NBL1: variants seen among roughly 807,000 people sequenced by gnomAD.
The protein encoded by NBL1 is neuroblastoma suppressor of tumorigenicity 1.
NBL1 carries 9 observed loss-of-function variants against 16.0 expected under a neutral mutation model. The ratio of observed to expected loss-of-function variants is 0.56; its 90% CI spans 0.34 to 0.98. The LOEUF is 0.98. NBL1 is among the 50% of genes least tolerant of loss of function. NBL1 has a pLI of 0.02. For missense variants in NBL1, 196 were observed against 243.1 expected (o/e 0.81, Z 1.29); for synonymous variants, 86 against 100.7 (o/e 0.85, Z 0.87).
At chr1:19,643,689 C>T, upstream of NBL1, 1 of 1,189,240 alleles carries the variant, frequency 8.4e-7, no homozygotes, top group Non-Finnish European at 1.1e-6. This position sits in a 1 kb window ranked among gnomAD's most constrained non-coding sequence, Gnocchi z 4.7. Context: ...GATGCTTAAG[C>T]CAAGGGCGTG....
intron 1 of NBL1, among the ~76,000 whole-genome samples, chr1:19,651,391 G>A (rs562783224): frequency 6.6e-6 from 1 of 152,306 alleles, no homozygotes; most frequent in African/African-American, 2.4e-5. Flanking sequence ...TGGAAAGGGT[G>A]GAAGGTAAGG....
At position 19,655,306 on chromosome 1, in the gene NBL1, T is replaced by C; in HGVS notation, c.171-18T>C. On this transcript the variant is annotated intron_variant, in intron 2 of 3. Transcript: ENST00000375136. The stretch of plus-strand genomic sequence containing the variant: ...CTCCCCAACAGTGACACAGGCATGG[T>C]GACCTCTCCTCCCACAGGGCGTGCC... 1 of 1,613,700 alleles carries C rather than the reference T, an allele frequency of 6.2e-7. No individual in the cohort carries two copies. The highest frequency in any genetic ancestry group is 1.7e-5 in the Admixed American group (1 of 60,020).
chr1:19,648,812 A>G (rs925395049), intron 1 of NBL1, among the ~76,000 whole-genome samples: 4 of 152,160 alleles, frequency 2.6e-5, no homozygotes, highest in Non-Finnish European at 5.9e-5. Context: ...ACCTGTGCCA[A>G]GGACACCTCC....
In NBL1 at chr1:19,644,743, G is replaced by A. The variant is rs1400621747; in HGVS notation, c.-20+297G>A. Among the ~76,000 whole-genome samples, 1 of 151,750 alleles carries A rather than the reference G, an allele frequency of 6.6e-6. No homozygotes were observed. The highest frequency in any genetic ancestry group is 6.6e-5 in the Admixed American group (1 of 15,256). ...TCTGGATCGGAGTTTCCGCGGCCGG[G>A]GGAGAGAGGGAGCGAGGGAGGGAGA... is the stretch of plus-strand genomic sequence containing the variant. On this transcript the variant is annotated intron_variant, in intron 1 of 3. Transcript: ENST00000375136. The surrounding 1 kb of genome is among the most constrained non-coding windows in gnomAD (Gnocchi z 4.6).
chr1:19,650,919 C>CAGGTGTGT (rs2095020803), intron 1 of NBL1, among the ~76,000 whole-genome samples: 2 of 152,154 alleles, frequency 1.3e-5, no homozygotes, highest in African/African-American at 4.8e-5. Context: ...TGGATGACAG[C>CAGGTGTGT]CGTGTGTGGG....
upstream of NBL1, chr1:19,643,244 G>A (rs774086228): frequency 4.7e-6 from 7 of 1,474,200 alleles, no homozygotes; most frequent in Admixed American, 1.7e-5. The surrounding 1 kb of genome is among the most constrained non-coding windows in gnomAD (Gnocchi z 4.7). Context: ...TGCAGGCTGG[G>A]TGTGGAGGGT....
chr1:19,648,740 C>T (rs923842587), intron 1 of NBL1, among the ~76,000 whole-genome samples: 6 of 126,690 alleles, frequency 4.7e-5, no homozygotes, highest in East Asian at 2.7e-4. Flanking sequence ...GGCAGAGGGC[C>T]GCTGAGGAAG....
chr1:19,655,198 C>A lies in NBL1; in HGVS notation c.168C>A (p.Asn56Lys). The A allele has an allele frequency of 6.2e-7, 1 of 1,606,238 alleles. No homozygotes were observed. Among genetic ancestry groups the A allele is most frequent in the South Asian group, 1.1e-5 (1 of 90,134 alleles). Residue 56 changes from asparagine to lysine, a missense_variant and splice_region_variant, in exon 2 of 4, where the codon AAC becomes AAA. Asn to Lys is a moderately conservative substitution (Grantham distance 94). Transcript: ENST00000375136. ...HSGCEAKSIQNRACLGQCFSY... is the reference protein window; with the variant it reads ...HSGCEAKSIQKRACLGQCFSY... ...GCTGTGAGGCCAAGTCCATCCAGAA[C>A]AGGTGGGACCCAAGGGGTGGGTGGG... is the stretch of plus-strand genomic sequence containing the variant.
chr1:19,649,768 C>G (rs1255900237), intron 1 of NBL1, among the ~76,000 whole-genome samples: 1 of 150,882 alleles, frequency 6.6e-6, no homozygotes, highest in Non-Finnish European at 1.5e-5. Flanking sequence ...ACCGAGTGAT[C>G]CTCTCACCTC....
intron 1 of NBL1, among the ~76,000 whole-genome samples, chr1:19,646,817 C>A (rs1310218955): frequency 6.6e-6 from 1 of 152,184 alleles, no homozygotes; most frequent in Non-Finnish European, 1.5e-5. Flanking sequence ...TGTTGGGTGG[C>A]CCTTGACAAT....
intron 3 of NBL1, 33 bp downstream of exon 3, chr1:19,655,468 G>C (rs371901214): frequency 1.9e-6 from 3 of 1,608,824 alleles, no homozygotes; most frequent in Admixed American, 1.7e-5. Flanking sequence ...ACCCAGTCTC[G>C]GCCCGGAGCC....
At chr1:19,645,447 C>T in intron 1 of NBL1, 2 of 989,794 alleles carry the variant, frequency 2.0e-6, no homozygotes, top group South Asian at 9.2e-5. Context: ...AGGGAGAAAG[C>T]CACACTTCCA....
At position 19,657,079 on chromosome 1, in the gene NBL1, G is replaced by A. The variant is rs1163915934; in HGVS notation, c.496G>A (p.Glu166Lys). Residue 166 changes from glutamate (E) to lysine (K), a missense_variant, in exon 4 of 4, where the codon GAG (glutamate) becomes AAG (lysine). Coordinates refer to ENST00000375136, the MANE Select transcript of NBL1 (RefSeq NM_005380.8). ...PHPGGQTPEP[E>K]DPPGAPHTEE... ...TCCTGGCGGGCAGACCCCTGAGCCC[G>A]AGGACCCCCCTGGGGCCCCCCACAC... 11 of 1,277,326 alleles carry A rather than the reference G, an allele frequency of 8.6e-6. No individual in the cohort carries two copies. The highest frequency in any genetic ancestry group is 7.7e-5 in the South Asian group (6 of 77,830). 79.1% of individuals were successfully genotyped at this position (1,277,326 alleles called of 1,614,324 possible). A position where few individuals can be genotyped will look rare whatever the true frequency, so the allele number is the denominator to read the frequency against.
Position 19,644,544 on chromosome 1 carries a change from C to T in NBL1, c.-20+98C>T. On this transcript the variant is annotated intron_variant, in intron 1 of 3. Transcript: ENST00000375136. The surrounding 1 kb of genome is among the most constrained non-coding windows in gnomAD (Gnocchi z 4.6). ...CCCAGCCCGGAGCTGCGTCCCCCGGCGCGTCCGGCGGCCGCGGGCACCGGG... is the reference window on the plus strand; with the variant it reads ...CCCAGCCCGGAGCTGCGTCCCCCGGTGCGTCCGGCGGCCGCGGGCACCGGG... 5.5e-6 allele frequency: 4 copies of T among 725,848 alleles called. No homozygotes were observed. Among genetic ancestry groups the T allele is most frequent in the Non-Finnish European group, 6.7e-6 (4 of 594,426 alleles). 45.0% of individuals were successfully genotyped at this position (725,848 alleles called of 1,614,324 possible).
chr1:19,657,076 C>A lies in NBL1; in HGVS notation c.493C>A (p.Pro165Thr). 1 of 1,530,622 alleles carries A rather than the reference C, an allele frequency of 6.5e-7. No homozygotes were observed. Among genetic ancestry groups the A allele is most frequent in the Non-Finnish European group, 8.8e-7 (1 of 1,135,486 alleles). The allele number at this position is 1,530,622 out of a possible 1,614,324, so 94.8% of individuals were successfully genotyped here. ...HPHPGGQTPEPEDPPGAPHTE... is the reference protein window; with the variant it reads ...HPHPGGQTPETEDPPGAPHTE... ...CCATCCTGGCGGGCAGACCCCTGAG[C>A]CCGAGGACCCCCCTGGGGCCCCCCA... Residue 165 changes from proline (P) to threonine (T), a missense_variant, in exon 4 of 4, where the codon CCC (proline) becomes ACC (threonine). Pro to Thr is a conservative substitution (Grantham distance 38, BLOSUM62 -1). Coordinates refer to ENST00000375136, the MANE Select transcript of NBL1 (RefSeq NM_005380.8).
intron 3 of NBL1, 134 bp from the exon 4 acceptor site, chr1:19,656,732 G>T (rs2095058563): frequency 1.4e-6 from 2 of 1,390,424 alleles, no homozygotes; most frequent in Non-Finnish European, 1.9e-6. Context: ...CTCCCCATGG[G>T]ACCCCAGAGC....
chr1:19,652,752 C>G (rs540057030), intron 1 of NBL1, among the ~76,000 whole-genome samples: 1 of 152,226 alleles, frequency 6.6e-6, no homozygotes, highest in South Asian at 2.1e-4. Context: ...CCTTGGGAGG[C>G]CGAGGTGGGC....
At position 19,650,043 on chromosome 1, in the gene NBL1, C is replaced by T. The variant is rs1018886205; in HGVS notation, c.-19-4969C>T. Among the ~76,000 whole-genome samples, 13 of 151,398 alleles carry T rather than the reference C, an allele frequency of 8.6e-5. 1 individual carries two copies. The highest frequency in any genetic ancestry group is 3.9e-4 in the East Asian group (2 of 5,144). On this transcript the variant is annotated intron_variant, in intron 1 of 3. Coordinates refer to ENST00000375136, the MANE Select transcript of NBL1 (RefSeq NM_005380.8). ...AGGCTGGAGTGCAGTGGCGTGATCTCGGCTCACTGCAAGCTCCGCCTCCCG... is the reference window on the plus strand; with the variant it reads ...AGGCTGGAGTGCAGTGGCGTGATCTTGGCTCACTGCAAGCTCCGCCTCCCG...
At chr1:19,651,518 C>T (rs2095025430) in intron 1 of NBL1, among the ~76,000 whole-genome samples, 1 of 152,212 alleles carries the variant, frequency 6.6e-6, no homozygotes, top group South Asian at 2.1e-4. Flanking sequence ...ACCATTACCC[C>T]ATTTCCCAGT....
Sources: allele counts gnomAD v4.1 joint callset (sites outside exome capture counted in the v4.1 genomes callset), GRCh38; gene constraint gnomAD v4.1.1; non-coding constraint Gnocchi (gnomAD v3.1); transcripts MANE v1.5; gene names NCBI Gene and HGNC (gene_info 2026-07-23, HGNC 2026-07-21).